SPDL1: variants seen among roughly 807,000 people sequenced by gnomAD.
SPDL1 encodes the protein protein Spindly.
Under a neutral mutation model 79.5 loss-of-function variants are expected in SPDL1, and 85 were observed. The observed-to-expected ratio is 1.07, with a 90% CI of 0.90 to 1.28. The LOEUF (loss-of-function observed/expected upper bound fraction) is 1.28. SPDL1 is among the 50% of genes most tolerant of loss of function. SPDL1 has a pLI of 0.00. For synonymous variants in SPDL1, 269 were observed against 240.3 expected (o/e 1.12, Z -1.10); for missense variants, 703 against 697.8 (o/e 1.01, Z -0.08).
chr5:169,585,652 G>C (rs17644451), intron 1 of SPDL1, among the ~76,000 whole-genome samples: 8,112 of 152,252 alleles, frequency 0.053, 253 homozygotes, highest in Non-Finnish European at 0.058. Context: ...TTGGCTGGCC[G>C]TATCATGTAC....
intron 7 of SPDL1, 61 bp from the exon 8 acceptor site, chr5:169,596,491 ATCAAAAAAG>A (rs1755586037): frequency 1.5e-6 from 2 of 1,313,776 alleles, no homozygotes; most frequent in African/African-American, 3.0e-5. Context: ...TATGAATTGT[ATCAAAAAAG>A]TAGTTATCAG....
At chr5:169,601,185 A>G (rs1486118364) in intron 10 of SPDL1, 95 bp from the exon 11 acceptor site, 3 of 1,065,338 alleles carry the variant, frequency 2.8e-6, no homozygotes, top group African/African-American at 1.6e-5. Context: ...AAAAGAATGG[A>G]AAAAGGTATA....
At chr5:169,584,694 G>A (rs1754891055) in intron 1 of SPDL1, among the ~76,000 whole-genome samples, 1 of 152,164 alleles carries the variant, frequency 6.6e-6, no homozygotes, top group Non-Finnish European at 1.5e-5. Context: ...GCAGCACCAT[G>A]GTTTCTAGGT....
chr5:169,593,584 C>CTTT, intron 4 of SPDL1, 36 bp downstream of exon 4: 8 of 1,444,622 alleles, frequency 5.5e-6, no homozygotes, highest in Non-Finnish European at 6.5e-6. Context: ...AGGGTTTTCT[C>CTTT]TTTTTTTTTC....
In SPDL1 at chr5:169,601,314, T is replaced by G; in HGVS notation, c.1359T>G (p.Arg453=). ...AAGTGCCTGTACTGAAAAAGAGGCG[T>G]GAGGTGCTCCCTGTGGATATAACCA... The part of the protein sequence containing the change: ...TVEVPVLKKR[R]EVLPVDITTA... Residue 453 remains arginine, a synonymous_variant, in exon 11 of 12, where the codon CGT becomes CGG. Transcript: ENST00000265295. 1 of 1,613,482 alleles carries G rather than the reference T, an allele frequency of 6.2e-7. No homozygotes were observed. Among genetic ancestry groups the G allele is most frequent in the East Asian group, 2.2e-5 (1 of 44,858 alleles).
intron 2 of SPDL1, among the ~76,000 whole-genome samples, chr5:169,589,506 C>A (rs1223652167): frequency 6.6e-6 from 1 of 151,988 alleles, no homozygotes; most frequent in Non-Finnish European, 1.5e-5. Flanking sequence ...AACTGCTTTG[C>A]CTTGTTCTTG....
Position 169,596,572 on chromosome 5 carries a change from C to T in SPDL1, c.903C>T (p.Ala301=). 6.2e-7 allele frequency: 1 copy of T among 1,609,470 alleles called. No individual in the cohort carries two copies. The highest frequency in any genetic ancestry group is 8.5e-7 in the Non-Finnish European group (1 of 1,178,506). The change falls in exon 8 of 12, where the codon GCC becomes GCT. Residue 301 remains alanine (A), a synonymous_variant. Transcript: ENST00000265295. ...EQMQRMKLQI[A]TLLQMKGSQT... is the part of the protein sequence containing the mutation. The stretch of plus-strand genomic sequence containing the variant: ...TTTTATTTTTCTAGTTACAAATTGC[C>T]ACGTTGCTACAGATGAAAGGGTCTC...
At chr5:169,599,265 T>C in intron 10 of SPDL1, 106 bp downstream of exon 10, 1 of 975,038 alleles carries the variant, frequency 1.0e-6, no homozygotes, top group East Asian at 2.8e-5. Context: ...CAAACTCATT[T>C]GTAGTTATAT....
Position 169,588,560 on chromosome 5 carries a change from G to C in SPDL1, c.144G>C (p.Met48Ile). The change falls in exon 2 of 12, where the codon ATG becomes ATC. Residue 48 changes from methionine (M) to isoleucine (I), a missense_variant. Physicochemically the swap from Met to Ile is conservative, Grantham distance 10 (BLOSUM62 1). Transcript: ENST00000265295. Reference protein sequence around the residue: ...QNQLDKCRNEMMTMTESYEQE... With the variant: ...QNQLDKCRNEIMTMTESYEQE... ...AATTGGATAAATGTCGTAATGAAAT[G>C]ATGACCATGACTGAGGTAGGACTCT... is the stretch of plus-strand genomic sequence containing the variant. The C allele has an allele frequency of 1.9e-6, 3 of 1,612,556 alleles. No individual in the cohort carries two copies. The highest frequency in any genetic ancestry group is 2.5e-6 in the Non-Finnish European group (3 of 1,179,346).
At position 169,601,450 on chromosome 5, in the gene SPDL1, T is replaced by C. The variant is rs1755909207; in HGVS notation, c.1495T>C (p.Leu499=). 6.2e-7 allele frequency: 1 copy of C among 1,614,016 alleles called. No individual in the cohort carries two copies. Among genetic ancestry groups the C allele is most frequent in the African/African-American group, 1.3e-5 (1 of 74,902 alleles). The change falls in exon 11 of 12, where the codon TTG becomes CTG. Residue 499 remains leucine, a synonymous_variant. Coordinates refer to ENST00000265295, the MANE Select transcript of SPDL1 (RefSeq NM_017785.5). ...SCPNSLEDNN[L]QLEKSVSIYT... ...CCCTAACAGTTTAGAAGATAACAAC[T>C]TGCAATTAGAAAAATCAGTTTCTAT...
At chr5:169,587,202 C>T (rs1469175022) in intron 1 of SPDL1, 1 of 152,130 alleles carries the variant, frequency 6.6e-6, no homozygotes, top group Non-Finnish European at 1.5e-5. Flanking sequence ...ATGTAAGTTT[C>T]ATGAGGGAGG....
At position 169,588,483 on chromosome 5, in the gene SPDL1, G is replaced by C. The variant is rs1755101129; in HGVS notation, c.67G>C (p.Ala23Pro). The C allele has an allele frequency of 6.2e-7, 1 of 1,613,784 alleles. No homozygotes were observed. The highest frequency in any genetic ancestry group is 8.5e-7 in the Non-Finnish European group (1 of 1,179,876). The change falls in exon 2 of 12, where the codon GCT (alanine) becomes CCT (proline). Residue 23 changes from alanine (A) to proline (P), a missense_variant. Coordinates refer to ENST00000265295, the MANE Select transcript of SPDL1 (RefSeq NM_017785.5). Reference protein sequence around the residue: ...LKEAEEERLKAAQYGLQLVES... With the variant: ...LKEAEEERLKPAQYGLQLVES... ...AGAGGCTGAAGAAGAGCGACTAAAA[G>C]CTGCACAGTATGGTTTACAACTAGT... is the stretch of plus-strand genomic sequence containing the variant.
intron 4 of SPDL1, 74 bp downstream of exon 4, chr5:169,593,622 A>C: frequency 1.4e-6 from 2 of 1,402,658 alleles, no homozygotes; most frequent in South Asian, 3.0e-5. Context: ...TTTTGGTAAT[A>C]ATTCTTAAGA....
intron 2 of SPDL1, among the ~76,000 whole-genome samples, chr5:169,589,934 T>G (rs1755190430): frequency 6.6e-6 from 1 of 152,098 alleles, no homozygotes; most frequent in Admixed American, 6.5e-5. Context: ...AACTCCTGGC[T>G]TCACGTAATC....
intron 4 of SPDL1, 142 bp downstream of exon 4, chr5:169,593,690 T>C: frequency 1.3e-6 from 1 of 765,926 alleles, no homozygotes; most frequent in Non-Finnish European, 2.0e-6. Flanking sequence ...AATTAAAAAA[T>C]GGGTTTTTTT....
At chr5:169,597,848 C>T (rs1755668733) in intron 8 of SPDL1, among the ~76,000 whole-genome samples, 1 of 152,070 alleles carries the variant, frequency 6.6e-6, no homozygotes, top group Non-Finnish European at 1.5e-5. Context: ...GTTAAGTTGG[C>T]AGCCTTATGT....
At chr5:169,587,742 TATC>T (rs1384005567) in intron 1 of SPDL1, among the ~76,000 whole-genome samples, 1 of 152,178 alleles carries the variant, frequency 6.6e-6, no homozygotes, top group Non-Finnish European at 1.5e-5. Context: ...TTATTGTTAT[TATC>T]ATTATTATTT....
At position 169,591,036 on chromosome 5, in the gene SPDL1, A is replaced by ATC. The variant is rs1561868763; in HGVS notation, c.160-10_160-9dup. 5.6e-6 allele frequency: 9 copies of ATC among 1,599,450 alleles called. No homozygotes were observed. ...TTTTATGTAATTGAATTGTAATTGAATCTGTTTTCAGAGTTATGAACAAGA... is the reference window on the plus strand; with the variant it reads ...TTTTATGTAATTGAATTGTAATTGAATCTCTGTTTTCAGAGTTATGAACAAGA... On this transcript the variant is annotated splice_polypyrimidine_tract_variant and intron_variant, in intron 2 of 11. Transcript: ENST00000265295.
At chr5:169,600,806 G>C (rs6868672) in intron 10 of SPDL1, among the ~76,000 whole-genome samples, 1 of 152,004 alleles carries the variant, frequency 6.6e-6, no homozygotes, top group Non-Finnish European at 1.5e-5. Flanking sequence ...GCCTATTCTT[G>C]TCATTTAATC....
Sources: allele counts gnomAD v4.1 joint callset (sites outside exome capture counted in the v4.1 genomes callset), GRCh38; gene constraint gnomAD v4.1.1; transcripts MANE v1.5; gene names NCBI Gene and HGNC (gene_info 2026-07-23, HGNC 2026-07-21).